The following FRYL variants were observed in gnomAD, a reference collection of about 807,000 sequenced individuals.
FRYL encodes FRY like transcription coactivator.
In FRYL, 150 loss-of-function variants were observed where a neutral mutation model predicts 351.2. The observed-to-expected ratio is 0.43, with a 90% confidence interval of 0.37 to 0.49. FRYL has a LOEUF of 0.49. Ranked by LOEUF, FRYL falls within the 20% of genes least tolerant of loss-of-function variation. The probability of loss-of-function intolerance (pLI) is 0.00; values close to 1 mark genes in which losing one functional copy is unlikely to be tolerated. For missense variants in FRYL, 3,036 were observed against 3,619.3 expected (o/e 0.84, Z 4.13); for synonymous variants, 1,153 against 1,257.1 (o/e 0.92, Z 1.75).
Position 48,742,955 on chromosome 4 carries a change from C to T in FRYL, c.-383-32257G>A, listed in dbSNP as rs561962184. Among the ~76,000 whole-genome samples, 397 of 142,908 alleles carry T rather than the reference C, an allele frequency of 2.8e-3. 2 individuals are homozygous for T. The highest frequency in any genetic ancestry group is 4.8e-3 in the Non-Finnish European group (315 of 65,976). 93.8% of individuals were successfully genotyped at this position (142,908 alleles called of 152,430 possible). On this transcript the variant is annotated intron_variant, in intron 1 of 63. Coordinates refer to ENST00000358350, the MANE Select transcript of FRYL (RefSeq NM_015030.2). ...CCAAGTAGCTGGGATTACAGGTGTGCGCCACCACGCCTGGATAATTTTTTT... is the reference window on the plus strand; with the variant it reads ...CCAAGTAGCTGGGATTACAGGTGTGTGCCACCACGCCTGGATAATTTTTTT...
At chr4:48,710,752 C>A (rs1158501790) in intron 1 of FRYL, 54 bp from the exon 2 acceptor site, 2 of 395,496 alleles carry the variant, frequency 5.1e-6, no homozygotes, top group African/African-American at 4.1e-5. Flanking sequence ...ATGCTTACAA[C>A]ATGTTAACAT....
At chr4:48,656,736 A>ATG (rs1759300252) in intron 3 of FRYL, among the ~76,000 whole-genome samples, 2 of 148,484 alleles carry the variant, frequency 1.3e-5, no homozygotes, top group African/African-American at 4.9e-5. Context: ...GACTATATAT[A>ATG]TATATATTTA....
intron 16 of FRYL, among the ~76,000 whole-genome samples, chr4:48,591,683 C>T (rs1325622466): frequency 1.3e-5 from 2 of 152,130 alleles, no homozygotes; most frequent in Admixed American, 6.5e-5. Flanking sequence ...AGGCAACGTT[C>T]TCCTGGGCTG....
intron 3 of FRYL, chr4:48,636,710 T>G (rs937034408): frequency 5.9e-5 from 9 of 152,028 alleles, no homozygotes; most frequent in Non-Finnish European, 8.8e-5. Context: ...AAATATTTTG[T>G]TTGATAACTC....
chr4:48,682,996 T>C (rs565654692), intron 3 of FRYL, among the ~76,000 whole-genome samples: 2 of 152,260 alleles, frequency 1.3e-5, no homozygotes, highest in East Asian at 1.9e-4. Flanking sequence ...CTGTTCACAA[T>C]AGCAAAGACT....
chr4:48,544,067 T>G (rs927070892), intron 43 of FRYL, 70 bp from the exon 44 acceptor site: 38 of 1,330,352 alleles, frequency 2.9e-5, no homozygotes, highest in Non-Finnish European at 4.0e-5. Context: ...TAATCAGAAG[T>G]GAATCATCTT....
At chr4:48,537,581 T>G (rs1411573069) in intron 47 of FRYL, among the ~76,000 whole-genome samples, 1 of 152,180 alleles carries the variant, frequency 6.6e-6, no homozygotes, top group Non-Finnish European at 1.5e-5. Flanking sequence ...AGGAACCAAT[T>G]TAATTCACAT....
At chr4:48,671,406 AC>A (rs1305073679) in intron 3 of FRYL, among the ~76,000 whole-genome samples, 1 of 152,114 alleles carries the variant, frequency 6.6e-6, no homozygotes, top group Non-Finnish European at 1.5e-5. Flanking sequence ...GGTGGCTCAC[AC>A]CTGTAATCCC....
At chr4:48,736,315 GA>G (rs1018478772) in intron 1 of FRYL, among the ~76,000 whole-genome samples, 1 of 151,842 alleles carries the variant, frequency 6.6e-6, no homozygotes, top group African/African-American at 2.4e-5. Context: ...ACTAGAAAAG[GA>G]AGAACAAATT....
rs899760421 is a variant in FRYL at position 48,749,938 on chromosome 4, GC to G, written c.-384+30139del. On this transcript the variant is annotated intron_variant, in intron 1 of 63. Transcript: ENST00000358350. ...ACTTGAGGCCAGAAGTTCAAGAGCA[GC>G]CCAGGCAAAATAGTGATGCCCTGTC... 1.3e-3 allele frequency among the ~76,000 whole-genome samples: 193 copies of G among 152,084 alleles called. 5 individuals are homozygous for G. The highest frequency in any genetic ancestry group is 3.4e-4 in the Non-Finnish European group (23 of 68,008).
At chr4:48,713,275 C>G (rs1488013849) in intron 1 of FRYL, among the ~76,000 whole-genome samples, 1 of 151,260 alleles carries the variant, frequency 6.6e-6, no homozygotes, top group Non-Finnish European at 1.5e-5. Flanking sequence ...GTAATAAAGT[C>G]CATTTAAATG....
At chr4:48,704,961 A>AG (rs913101535) in intron 2 of FRYL, among the ~76,000 whole-genome samples, 2 of 150,136 alleles carry the variant, frequency 1.3e-5, no homozygotes, top group Admixed American at 1.3e-4. Flanking sequence ...AAAAAAAAAA[A>AG]AAAAAAAAAA....
rs1240073031 is a variant in FRYL at position 48,565,825 on chromosome 4, C to T, written c.3170-134G>A. On this transcript the variant is annotated intron_variant, in intron 28 of 63. Transcript: ENST00000358350. ...TTCATTTTAAACTATCAAAAACCTCCGCGGTAGCAGGGATCATTTATATAT... is the reference window on the plus strand; with the variant it reads ...TTCATTTTAAACTATCAAAAACCTCTGCGGTAGCAGGGATCATTTATATAT... The T allele has an allele frequency of 4.2e-5, 35 of 840,786 alleles. No individual in the cohort carries two copies. In the East Asian group the frequency reaches 5.1e-4, roughly 12 times the overall value. 52.1% of individuals were successfully genotyped at this position (840,786 alleles called of 1,614,324 possible).
chr4:48,541,152 T>C (rs1315769273), intron 45 of FRYL, among the ~76,000 whole-genome samples, 192 bp from the exon 46 acceptor site: 1 of 152,218 alleles, frequency 6.6e-6, no homozygotes. Context: ...TCTTTTCTCT[T>C]GTGGCTAACA....
chr4:48,546,091 G>A lies in FRYL; in HGVS notation c.5255C>T (p.Thr1752Ile). Residue 1752 changes from threonine to isoleucine, a missense_variant, in exon 42 of 64, where the codon ACC (threonine) becomes ATC (isoleucine). Around this residue, in one of 7 missense-constraint regions of FRYL, gnomAD observed 1,987 missense variants for 2,311.7 expected, o/e 0.86. Coordinates refer to ENST00000358350, the MANE Select transcript of FRYL (RefSeq NM_015030.2). ...CCTTGAGGTAATGAATTCCATGAGG[G>A]TTTTGACTTTTCCATCCTGCTCCAC... ...ISVEQDGKVK[T>I]LMEFITSRKR... The A allele has an allele frequency of 6.2e-7, 1 of 1,613,432 alleles. No individual in the cohort carries two copies. Among genetic ancestry groups the A allele is most frequent in the Non-Finnish European group, 8.5e-7 (1 of 1,179,714 alleles).
At chr4:48,582,409 T>C in intron 20 of FRYL, 88 bp downstream of exon 20, 1 of 805,662 alleles carries the variant, frequency 1.2e-6, no homozygotes, top group Non-Finnish European at 2.1e-6. Flanking sequence ...ATACTTTTAG[T>C]GTTTGATAAA....
At chr4:48,700,416 T>A (rs1028561998) in intron 2 of FRYL, among the ~76,000 whole-genome samples, 1 of 152,202 alleles carries the variant, frequency 6.6e-6, no homozygotes, top group African/African-American at 2.4e-5. Flanking sequence ...AGTATTTTAC[T>A]TATGACAATT....
rs746425489 is a variant in FRYL at position 48,547,783 on chromosome 4, T to C, written c.4889-14A>G. On this transcript the variant is annotated splice_polypyrimidine_tract_variant and intron_variant, in intron 40 of 63. Coordinates refer to ENST00000358350, the MANE Select transcript of FRYL (RefSeq NM_015030.2). ...AGTGGTCAAACCCTAAAAAGGATAG[T>C]AGAGAAACATTATCAATAAAGAGAA... 12 of 1,404,770 alleles carry C rather than the reference T, an allele frequency of 8.5e-6. No individual in the cohort carries two copies. The highest frequency in any genetic ancestry group is 1.1e-5 in the Non-Finnish European group (12 of 1,059,664). 87.0% of individuals were successfully genotyped at this position (1,404,770 alleles called of 1,614,324 possible). A position where few individuals can be genotyped will look rare whatever the true frequency, so the allele number is the denominator to read the frequency against.
At chr4:48,712,231 G>C (rs1230796778) in intron 1 of FRYL, among the ~76,000 whole-genome samples, 1 of 152,198 alleles carries the variant, frequency 6.6e-6, no homozygotes, top group African/African-American at 2.4e-5. Context: ...TGACTTTGAC[G>C]AGTTGAGAGA....
Sources: gnomAD v4.1 joint callset for allele counts (sites outside exome capture counted in the v4.1 genomes callset) on GRCh38, gnomAD v4.1.1 for gene constraint, gnomAD v4.1.1 regional missense constraint, MANE v1.5 for transcripts, NCBI Gene and HGNC (gene_info 2026-07-23, HGNC 2026-07-21) for gene names.